BBOX1: variants seen among roughly 807,000 people sequenced by gnomAD.
The protein encoded by BBOX1 is gamma-butyrobetaine dioxygenase.
BBOX1 carries 35 observed loss-of-function variants against 41.6 expected under a neutral mutation model. The ratio of observed to expected loss-of-function variants is 0.84; its 90% CI spans 0.64 to 1.11. BBOX1 has a LOEUF of 1.11. Ranked by LOEUF, BBOX1 falls within the 50% of genes most tolerant of loss-of-function variation. The pLI, the probability that BBOX1 is intolerant of heterozygous loss-of-function variation, is 0.00. For synonymous variants in BBOX1, 163 were observed against 154.7 expected (o/e 1.05, Z -0.40); for missense variants, 458 against 460.6 (o/e 0.99, Z 0.05).
chr11:27,041,650 T>C (rs951402082), intron 2 of BBOX1, among the ~76,000 whole-genome samples, 172 bp downstream of exon 2: 1 of 152,176 alleles, frequency 6.6e-6, no homozygotes, highest in Non-Finnish European at 1.5e-5. Flanking sequence ...ATGTGGGCTG[T>C]GCTGGGGATG....
intron 7 of BBOX1, among the ~76,000 whole-genome samples, chr11:27,121,268 A>C (rs1002138132): frequency 1.3e-5 from 2 of 152,186 alleles, no homozygotes; most frequent in African/African-American, 4.8e-5. Flanking sequence ...AACAGAGTGA[A>C]GGATGCAAGT....
At position 27,110,534 on chromosome 11, in the gene BBOX1, C is replaced by T. The variant is rs991257308; in HGVS notation, c.534-4918C>T. On this transcript the variant is annotated intron_variant, in intron 5 of 8. Coordinates refer to ENST00000263182, the MANE Select transcript of BBOX1 (RefSeq NM_003986.3). ...CACTAAACATACTCCGAACTCAAAA[C>T]CTTTTCACTTTGGGTTCTGCCTAAA... is the stretch of plus-strand genomic sequence containing the variant. Among the ~76,000 whole-genome samples the T allele has an allele frequency of 2.6e-5, 4 of 151,982 alleles. No homozygotes were observed. In the South Asian group the frequency reaches 8.3e-4, roughly 31 times the overall value.
chr11:27,070,794 G>A (rs1199407691), intron 4 of BBOX1, among the ~76,000 whole-genome samples: 2 of 150,354 alleles, frequency 1.3e-5, no homozygotes, highest in Non-Finnish European at 2.9e-5. Flanking sequence ...TTCATGTCGA[G>A]ATGTGAGATA....
At chr11:27,085,555 ATCTCTCTCTCTC>A (rs59696795) in intron 4 of BBOX1, among the ~76,000 whole-genome samples, 23 of 134,754 alleles carry the variant, frequency 1.7e-4, no homozygotes, top group Non-Finnish European at 2.6e-4. Context: ...ACATTCCCCC[ATCTCTCTCTCTC>A]TCTCTCTCTC....
At chr11:27,111,222 AT>A (rs1482102463) in intron 5 of BBOX1, among the ~76,000 whole-genome samples, 5 of 152,008 alleles carry the variant, frequency 3.3e-5, no homozygotes, top group African/African-American at 1.2e-4. Context: ...GCTGGAGGCC[AT>A]TATTGTCAGC....
chr11:27,059,318 A>G lies in BBOX1; in HGVS notation c.334+2003A>G, dbSNP rs542518647. On this transcript the variant is annotated intron_variant, in intron 4 of 8. Coordinates refer to ENST00000263182, the MANE Select transcript of BBOX1 (RefSeq NM_003986.3). ...GAATGAGGCTTGATGTTCGCTGTCTAGATTTCAGAGGATGTATTATGTTGG... is the reference window on the plus strand; with the variant it reads ...GAATGAGGCTTGATGTTCGCTGTCTGGATTTCAGAGGATGTATTATGTTGG... Among the ~76,000 whole-genome samples the G allele has an allele frequency of 5.6e-4, 86 of 152,238 alleles. 1 individual carries two copies. The highest frequency in any genetic ancestry group is 1.0e-3 in the Non-Finnish European group (68 of 68,042).
chr11:27,042,165 A>T (rs1349072401), intron 2 of BBOX1, among the ~76,000 whole-genome samples: 1 of 152,240 alleles, frequency 6.6e-6, no homozygotes, highest in South Asian at 2.1e-4. Context: ...TTTGCATTAC[A>T]TCAGAAAACA....
intron 4 of BBOX1, among the ~76,000 whole-genome samples, chr11:27,067,517 C>G (rs181346167): frequency 6.6e-6 from 1 of 151,956 alleles, no homozygotes; most frequent in South Asian, 2.1e-4. Context: ...GGTGGATCAC[C>G]TGAGGTCAGG....
chr11:27,055,178 C>T, intron 2 of BBOX1: 1 of 386,690 alleles, frequency 2.6e-6, no homozygotes, highest in Non-Finnish European at 4.7e-6. Context: ...TGACTCAGCA[C>T]TTACATCCCA....
chr11:27,065,403 C>G (rs1269643847), intron 4 of BBOX1, among the ~76,000 whole-genome samples: 1 of 152,098 alleles, frequency 6.6e-6, no homozygotes, highest in Non-Finnish European at 1.5e-5. Context: ...ATCTATTATT[C>G]TCATTTTCTG....
intron 2 of BBOX1, among the ~76,000 whole-genome samples, chr11:27,054,234 T>TGTGTGTGTGTGCGCGC: frequency 6.7e-6 from 1 of 148,302 alleles, no homozygotes; most frequent in South Asian, 2.1e-4. Context: ...TGTGTGTGTG[T>TGTGTGTGTGTGCGCGC]GCGTGCACAT....
intron 2 of BBOX1, among the ~76,000 whole-genome samples, chr11:27,042,568 C>G (rs1462441726): frequency 6.6e-6 from 1 of 152,104 alleles, no homozygotes; most frequent in Non-Finnish European, 1.5e-5. Flanking sequence ...AGGCTGGTCT[C>G]AAATTCCTGG....
chr11:27,127,047 T>A (rs560115568), intron 8 of BBOX1, among the ~76,000 whole-genome samples: 3 of 152,178 alleles, frequency 2.0e-5, no homozygotes, highest in Non-Finnish European at 4.4e-5. Context: ...ATATTTTAAA[T>A]AAGAATGATT....
chr11:27,099,849 T>C (rs1451521779), intron 5 of BBOX1, among the ~76,000 whole-genome samples: 4 of 152,154 alleles, frequency 2.6e-5, no homozygotes, highest in Non-Finnish European at 5.9e-5. Flanking sequence ...TTGAAAAATG[T>C]AGAATGCTAC....
chr11:27,103,501 TC>T (rs1320497416), intron 5 of BBOX1, among the ~76,000 whole-genome samples: 4 of 152,090 alleles, frequency 2.6e-5, no homozygotes, highest in African/African-American at 9.6e-5. Context: ...TCTTTTAAAT[TC>T]TTCTCCCTCT....
intron 2 of BBOX1, among the ~76,000 whole-genome samples, chr11:27,053,499 C>T (rs1486599059): frequency 1.3e-5 from 2 of 152,078 alleles, no homozygotes; most frequent in Non-Finnish European, 2.9e-5. Context: ...AAAGATATGC[C>T]GTCCGGCATT....
intron 2 of BBOX1, among the ~76,000 whole-genome samples, chr11:27,054,930 CGA>C (rs1316753816): frequency 2.0e-5 from 3 of 152,062 alleles, no homozygotes; most frequent in Non-Finnish European, 4.4e-5. Flanking sequence ...TTCATAAAGA[CGA>C]GTTTACTAAT....
intron 4 of BBOX1, among the ~76,000 whole-genome samples, chr11:27,083,806 G>A (rs889134959): frequency 1.3e-5 from 2 of 152,078 alleles, no homozygotes; most frequent in African/African-American, 4.8e-5. Context: ...TCTTTGCATA[G>A]CAAGGATTTC....
At chr11:27,117,936 G>A (rs79803012) in intron 6 of BBOX1, among the ~76,000 whole-genome samples, 5,069 of 151,954 alleles carry the variant, frequency 0.033, 129 homozygotes, top group South Asian at 0.11. Flanking sequence ...GAGGAACTTG[G>A]ACTTGAACCC....
Sources: gnomAD v4.1 joint callset for allele counts (sites outside exome capture counted in the v4.1 genomes callset) on GRCh38, gnomAD v4.1.1 for gene constraint, MANE v1.5 for transcripts, NCBI Gene and HGNC (gene_info 2026-07-23, HGNC 2026-07-21) for gene names.